The following UHRF1 variants were observed in gnomAD, a reference collection of about 807,000 sequenced individuals.
UHRF1 encodes ubiquitin like with PHD and ring finger domains 1, also known as E3 ubiquitin-protein ligase UHRF1.
A neutral mutation model predicts 96.5 loss-of-function variants in UHRF1; 9 were observed. That is an observed-to-expected ratio of 0.09 (90% confidence interval 0.06 to 0.16). UHRF1 has a LOEUF of 0.16. UHRF1 is among the 10% of genes least tolerant of loss of function. The pLI, the probability that UHRF1 is intolerant of heterozygous loss-of-function variation, is 1.00. For missense variants in UHRF1, 626 were observed against 1,131.1 expected, an observed-to-expected ratio of 0.55 and a Z score of 6.40; for synonymous variants, 455 against 469.9, an observed-to-expected ratio of 0.97 and a Z score of 0.41.
chr19:4,946,005 A>G lies in UHRF1; in HGVS notation c.1410+40A>G, dbSNP rs375337019. On this transcript the variant is annotated intron_variant, in intron 10 of 16. Transcript: ENST00000650932. ...GGGAGGGGTGGGGGAGGGTTGCTCT[A>G]GTTTTTTGGATGGTGGTAAAATACA... 6.3e-5 allele frequency: 91 copies of G among 1,435,148 alleles called. 1 individual carries two copies. The African/African-American group carries it at 1.2e-3, about 19-fold the overall frequency. The allele number at this position is 1,435,148 out of a possible 1,614,324, so 88.9% of individuals were successfully genotyped here. A position where few individuals can be genotyped will look rare whatever the true frequency, so the allele number is the denominator to read the frequency against.
Position 4,941,517 on chromosome 19 carries a change from G to A in UHRF1, c.786-11G>A, listed in dbSNP as rs773817934. 10 of 1,609,636 alleles carry A rather than the reference G, an allele frequency of 6.2e-6. No homozygotes were observed. Among genetic ancestry groups the A allele is most frequent in the South Asian group, 2.2e-5 (2 of 90,406 alleles). On this transcript the variant is annotated splice_polypyrimidine_tract_variant and intron_variant, in intron 5 of 16. Transcript: ENST00000650932. The stretch of plus-strand genomic sequence containing the variant: ...CAGGCCAGAATGTTCCAGCGTCCTC[G>A]TTCCTTGCAGGGATGATTCTCTGAA...
rs112747352 is a variant in UHRF1, at chr19:4,953,139, T to A, written c.1819-1211T>A. Among the ~76,000 whole-genome samples the A allele has an allele frequency of 2.4e-3, 367 of 152,252 alleles. 2 individuals carry two copies. Among genetic ancestry groups the A allele is most frequent in the African/African-American group, 8.3e-3 (344 of 41,554 alleles). ...CCCTGCCAGGTGGAGCTTGGCCGAT[T>A]ATCTCCTCTTAGTCTCCTCTTGTTC... On this transcript the variant is annotated intron_variant, in intron 13 of 16. Transcript: ENST00000650932.
At chr19:4,941,139 G>GGA (rs1034497075) in intron 5 of UHRF1, among the ~76,000 whole-genome samples, 2 of 136,914 alleles carry the variant, frequency 1.5e-5, no homozygotes, top group African/African-American at 5.5e-5. Flanking sequence ...CGCCCAGGCT[G>GGA]GAGTGCAGTG....
At chr19:4,927,360 G>A (rs939113192) in intron 2 of UHRF1, among the ~76,000 whole-genome samples, 2 of 125,460 alleles carry the variant, frequency 1.6e-5, no homozygotes, top group Admixed American at 1.1e-4. Context: ...CACCCTGGGC[G>A]ACAGAGTGAG....
chr19:4,917,126 TTTTTC>T (rs1255623526), intron 2 of UHRF1, among the ~76,000 whole-genome samples: 5 of 147,502 alleles, frequency 3.4e-5, no homozygotes, highest in African/African-American at 1.0e-4. Context: ...TTTTTTTTTT[TTTTTC>T]TTTTTTATAG....
In UHRF1 at chr19:4,950,900, C is replaced by T. The variant is rs753189382; in HGVS notation, c.1722C>T (p.Leu574=). Residue 574 remains leucine, a synonymous_variant, in exon 13 of 17, where the codon CTC becomes CTT. Coordinates refer to ENST00000650932, the MANE Select transcript of UHRF1 (RefSeq NM_001048201.3). ...CCGAGAAGGGGAAGTCCGGGTTTCT[C>T]GTGTGGCGCTACCTTCTGCGGAGGG... ...YWPEKGKSGF[L]VWRYLLRRDD... is the part of the protein sequence containing the mutation. 8.1e-6 allele frequency: 13 copies of T among 1,613,658 alleles called. No homozygotes were observed. Among genetic ancestry groups the T allele is most frequent in the Middle Eastern group, 1.7e-4 (1 of 5,996 alleles).
intron 2 of UHRF1, 92 bp downstream of exon 2, chr19:4,911,130 C>T: frequency 8.1e-7 from 1 of 1,238,560 alleles, no homozygotes; most frequent in Non-Finnish European, 1.1e-6. Flanking sequence ...CCCACCTCCC[C>T]CCCCAACAAC....
In UHRF1 at chr19:4,930,260, C is replaced by A. The variant is rs2033006399; in HGVS notation, c.409-456C>A. 6.6e-6 allele frequency among the ~76,000 whole-genome samples: 1 copy of A among 152,200 alleles called. No individual in the cohort carries two copies. The highest frequency in any genetic ancestry group is 2.4e-5 in the African/African-American group (1 of 41,454). ...AAAGTGCTGGAATTATAGGTGTGAG[C>A]CACTGCACCCAGTCTGTTTTATTTT... On this transcript the variant is annotated intron_variant, in intron 3 of 16. Transcript: ENST00000650932. The surrounding 1 kb of genome is among the most constrained non-coding windows in gnomAD (Gnocchi z 4.4).
In UHRF1 at chr19:4,929,344, C is replaced by T. The variant is rs1599261462; in HGVS notation, c.276C>T (p.Asp92=). The T allele has an allele frequency of 1.2e-6, 2 of 1,613,722 alleles. No homozygotes were observed. Among genetic ancestry groups the T allele is most frequent in the East Asian group, 4.5e-5 (2 of 44,884 alleles). ...AGGAGCGGGACTCCGAGCTCTCCGA[C>T]ACCGACTCCGGCTGCTGCCTGGGCC... The part of the protein sequence containing the change: ...STKERDSELS[D]TDSGCCLGQS... Residue 92 remains aspartate (D), a synonymous_variant, in exon 3 of 17, where the codon GAC becomes GAT. Coordinates refer to ENST00000650932, the MANE Select transcript of UHRF1 (RefSeq NM_001048201.3).
At chr19:4,909,757 T>C (rs1230822593) in intron 1 of UHRF1, 102 bp downstream of exon 1, 1 of 479,198 alleles carries the variant, frequency 2.1e-6, no homozygotes, top group Non-Finnish European at 3.7e-6. Context: ...CGCACGCATG[T>C]CCCGCACTCT....
chr19:4,917,252 C>T (rs911864885), intron 2 of UHRF1, among the ~76,000 whole-genome samples: 2 of 151,870 alleles, frequency 1.3e-5, no homozygotes, highest in African/African-American at 4.8e-5. Flanking sequence ...CCACCACACT[C>T]GGCCCTTTGT....
At chr19:4,915,704 C>T (rs3852915) in intron 2 of UHRF1, among the ~76,000 whole-genome samples, 24,129 of 151,328 alleles carry the variant, frequency 0.16, 2,010 homozygotes, top group South Asian at 0.28. Context: ...AGCAAGACTC[C>T]GTCTCAAAAA....
At chr19:4,942,469 C>T (rs950575632) in intron 7 of UHRF1, among the ~76,000 whole-genome samples, 2 of 151,406 alleles carry the variant, frequency 1.3e-5, no homozygotes, top group African/African-American at 4.9e-5. Context: ...GGATTATAGG[C>T]GTGAGCCACC....
In UHRF1 at chr19:4,947,087, C is replaced by A. The variant is rs1282010458; in HGVS notation, c.1411-18C>A. Reference sequence around the variant, plus strand: ...TTGCCTCTGCAGAGGGTTCACCCAGCCTTCTTGTCTGTTTCAGGACCATGG... The same window carrying A: ...TTGCCTCTGCAGAGGGTTCACCCAGACTTCTTGTCTGTTTCAGGACCATGG... On this transcript the variant is annotated intron_variant, in intron 10 of 16. Transcript: ENST00000650932. The A allele has an allele frequency of 6.2e-7, 1 of 1,604,978 alleles. No homozygotes were observed. The highest frequency in any genetic ancestry group is 8.5e-7 in the Non-Finnish European group (1 of 1,173,026).
At chr19:4,952,393 C>CTTTTT (rs150183272) in intron 13 of UHRF1, among the ~76,000 whole-genome samples, 4 of 82,528 alleles carry the variant, frequency 4.8e-5, no homozygotes, top group Non-Finnish European at 8.8e-5. Context: ...CGCTCCCAGC[C>CTTTTT]TTTTTTTTTT....
intron 2 of UHRF1, among the ~76,000 whole-genome samples, chr19:4,927,459 C>G (rs2032909799): frequency 6.7e-6 from 1 of 148,988 alleles, no homozygotes; most frequent in Non-Finnish European, 1.5e-5. Flanking sequence ...TTATGGTGAA[C>G]AAAGAAAGAA....
At chr19:4,924,561 G>A (rs2032807251) in intron 2 of UHRF1, among the ~76,000 whole-genome samples, 1 of 152,144 alleles carries the variant, frequency 6.6e-6, no homozygotes, top group East Asian at 1.9e-4. Context: ...TGGGATTACA[G>A]AGTAAGCCAC....
At position 4,930,004 on chromosome 19, in the gene UHRF1, T is replaced by A. The variant is rs1423961741; in HGVS notation, c.408+528T>A. Among the ~76,000 whole-genome samples, 1 of 152,100 alleles carries A rather than the reference T, an allele frequency of 6.6e-6. No homozygotes were observed. The highest frequency in any genetic ancestry group is 1.5e-5 in the Non-Finnish European group (1 of 68,024). On this transcript the variant is annotated intron_variant, in intron 3 of 16. Coordinates refer to ENST00000650932, the MANE Select transcript of UHRF1 (RefSeq NM_001048201.3). This position sits in a 1 kb window ranked among gnomAD's most constrained non-coding sequence, Gnocchi z 4.4. ...TTTATTACTTTTTTAATACATGGTC[T>A]CATTCTGTCGCCCAGGCTGGAGTAC...
upstream of UHRF1, among the ~76,000 whole-genome samples, chr19:4,905,990 T>A (rs926014267): frequency 2.0e-5 from 3 of 152,178 alleles, no homozygotes; most frequent in African/African-American, 7.2e-5. Flanking sequence ...TTATTACTAT[T>A]TTTTGAGACA....
Sources: allele counts gnomAD v4.1 joint callset (sites outside exome capture counted in the v4.1 genomes callset), GRCh38; gene constraint gnomAD v4.1.1; non-coding constraint Gnocchi (gnomAD v3.1); transcripts MANE v1.5; gene names NCBI Gene and HGNC (gene_info 2026-07-23, HGNC 2026-07-21).